The following BOC variants were observed in gnomAD, a reference collection of about 807,000 sequenced individuals.
BOC encodes the protein BOC cell adhesion associated, oncogene regulated, also known as brother of CDO.
BOC carries 76 observed loss-of-function variants against 112.0 expected under a neutral mutation model. The observed-to-expected ratio is 0.68, with a 90% CI of 0.56 to 0.82. The LOEUF is 0.82. Ranked by LOEUF, BOC falls within the 40% of genes least tolerant of loss-of-function variation. BOC has a pLI of 0.00. For missense variants in BOC, 1,309 were observed against 1,511.7 expected, an observed-to-expected ratio of 0.87 and a Z score of 2.22; for synonymous variants, 580 against 599.8, an observed-to-expected ratio of 0.97 and a Z score of 0.48.
Position 113,270,822 on chromosome 3 carries a change from C to T in BOC, c.545C>T (p.Ser182Leu). ...ACAGGTAACTACCTGATCATGCCCT[C>T]AGGGAACCTCCAGATTGTGAATGCC... ...ASRGNYLIMP[S>L]GNLQIVNASQ... Residue 182 changes from serine to leucine, a missense_variant, in exon 6 of 20, where the codon TCA becomes TTA. Transcript: ENST00000682979. 6.2e-7 allele frequency: 1 copy of T among 1,613,316 alleles called. No individual in the cohort carries two copies.
intron 1 of BOC, among the ~76,000 whole-genome samples, chr3:113,213,762 C>T (rs529550085): frequency 1.3e-5 from 2 of 152,074 alleles, no homozygotes; most frequent in South Asian, 2.1e-4. Flanking sequence ...GGACAGAGGC[C>T]GGGCAGAAAC....
intron 2 of BOC, among the ~76,000 whole-genome samples, chr3:113,238,205 C>T (rs1242317540): frequency 6.6e-6 from 1 of 152,140 alleles, no homozygotes; most frequent in Non-Finnish European, 1.5e-5. Context: ...GTAGAAGGAA[C>T]AGAGAGTATG....
chr3:113,284,868 C>G lies in BOC; in HGVS notation c.2966+10C>G, dbSNP rs1484846785. On this transcript the variant is annotated intron_variant, in intron 18 of 19. Coordinates refer to ENST00000682979, the MANE Select transcript of BOC (RefSeq NM_001378074.1). Reference sequence around the variant, plus strand: ...GTCACCAGATCACGAGGTAACCAGGCCTCTCCCCTTTCACTCCCAAGCCCC... The same window carrying G: ...GTCACCAGATCACGAGGTAACCAGGGCTCTCCCCTTTCACTCCCAAGCCCC... 1 of 1,613,138 alleles carries G rather than the reference C, an allele frequency of 6.2e-7. No homozygotes were observed. The highest frequency in any genetic ancestry group is 2.2e-5 in the East Asian group (1 of 44,886).
intron 2 of BOC, among the ~76,000 whole-genome samples, chr3:113,220,139 G>T (rs1172136867): frequency 1.3e-5 from 2 of 152,138 alleles, no homozygotes; most frequent in Non-Finnish European, 2.9e-5. Context: ...TGACAGACAG[G>T]TAACTGACAG....
intron 1 of BOC, among the ~76,000 whole-genome samples, chr3:113,212,871 A>C (rs140188253): frequency 2.3e-3 from 356 of 152,324 alleles, no homozygotes; most frequent in African/African-American, 8.0e-3. Context: ...CAGGGAACCC[A>C]GGAAGAATTT....
intron 5 of BOC, 107 bp downstream of exon 5, chr3:113,268,552 A>G: frequency 2.9e-6 from 3 of 1,049,820 alleles, no homozygotes; most frequent in Non-Finnish European, 4.1e-6. Flanking sequence ...CTGTCTCCCA[A>G]ACCCCCCTCA....
intron 3 of BOC, 145 bp downstream of exon 3, chr3:113,250,044 G>T: frequency 2.9e-6 from 2 of 696,184 alleles, no homozygotes; most frequent in South Asian, 3.3e-5. Context: ...AAGAACACAA[G>T]ATGAGACATG....
intron 2 of BOC, among the ~76,000 whole-genome samples, chr3:113,237,038 A>G (rs1317193039): frequency 1.3e-5 from 2 of 152,360 alleles, no homozygotes; most frequent in South Asian, 4.1e-4. Flanking sequence ...GCCAAGGCTT[A>G]TGGTTCTTCA....
chr3:113,238,766 G>C (rs1943902276), intron 2 of BOC, among the ~76,000 whole-genome samples: 1 of 152,170 alleles, frequency 6.6e-6, no homozygotes, highest in South Asian at 2.1e-4. Context: ...CTATGAAATG[G>C]GTTGACCATA....
chr3:113,223,850 C>T (rs554978503), intron 2 of BOC, among the ~76,000 whole-genome samples: 4 of 152,236 alleles, frequency 2.6e-5, no homozygotes, highest in East Asian at 1.9e-4. Flanking sequence ...TGAGACCCCT[C>T]GCCCGCAACC....
chr3:113,212,727 T>G (rs529663052), intron 1 of BOC: 1 of 152,402 alleles, frequency 6.6e-6, no homozygotes, highest in Non-Finnish European at 1.5e-5. Context: ...AGTTCGTGTG[T>G]GCGTGTACGT....
chr3:113,255,108 A>T (rs73235147), intron 4 of BOC, among the ~76,000 whole-genome samples: 30,118 of 150,162 alleles, frequency 0.2, 3,794 homozygotes, highest in East Asian at 0.46. Flanking sequence ...CCTAAACTTT[A>T]AAAAAAAAAG....
rs561840442 is a variant in BOC, at chr3:113,220,871, A to G, written c.-82+4597A>G. 5.3e-5 allele frequency among the ~76,000 whole-genome samples: 8 copies of G among 152,308 alleles called. No homozygotes were observed. In the South Asian group the frequency reaches 6.2e-4, roughly 12 times the overall value. On this transcript the variant is annotated intron_variant, in intron 2 of 19. Transcript: ENST00000682979. ...ACATTCTTTTTTGAGAGAGGAAGGA[A>G]CAGAAGGCATCTGTGAAGTTTCCGG...
chr3:113,217,074 T>C (rs781585449), intron 2 of BOC, among the ~76,000 whole-genome samples: 3 of 152,226 alleles, frequency 2.0e-5, no homozygotes, highest in African/African-American at 7.2e-5. Context: ...TCAACAATGC[T>C]TGCTGTGTGC....
At chr3:113,229,134 C>G (rs906345169) in intron 2 of BOC, among the ~76,000 whole-genome samples, 1 of 152,158 alleles carries the variant, frequency 6.6e-6, no homozygotes, top group Non-Finnish European at 1.5e-5. Flanking sequence ...GTCTCCTCCC[C>G]CAGTAGGGAC....
chr3:113,233,185 G>GTGTGTGTGTC (rs1559816983), intron 2 of BOC, among the ~76,000 whole-genome samples: 1 of 151,522 alleles, frequency 6.6e-6, no homozygotes, highest in East Asian at 1.9e-4. Flanking sequence ...GTGTGTGTGT[G>GTGTGTGTGTC]TGTGTGTGTG....
rs112586467 is a variant in BOC at position 113,260,102 on chromosome 3, G to A, written c.377-8197G>A. ...GCCCTTTCTTGCCTCTCTATCTGGA[G>A]GGTAGGAACTGTTATTATGCATCTG... On this transcript the variant is annotated intron_variant, in intron 4 of 19. Coordinates refer to ENST00000682979, the MANE Select transcript of BOC (RefSeq NM_001378074.1). Among the ~76,000 whole-genome samples, 1,167 of 152,286 alleles carry A rather than the reference G, an allele frequency of 7.7e-3. 17 individuals are homozygous for A. The highest frequency in any genetic ancestry group is 0.027 in the African/African-American group (1,123 of 41,554).
chr3:113,283,574 C>T lies in BOC; in HGVS notation c.2598C>T (p.Ile866=), dbSNP rs781189230. ...YLIVGVVLGS[I]VLIIVTFIPF... is the part of the protein sequence containing the mutation. ...TTGTCGGGGTCGTCCTGGGCTCCATCGTTCTCATCATCGTCACCTTCATCC... is the reference window on the plus strand; with the variant it reads ...TTGTCGGGGTCGTCCTGGGCTCCATTGTTCTCATCATCGTCACCTTCATCC... The change falls in exon 16 of 20, where the codon ATC becomes ATT. Residue 866 remains isoleucine (I), a synonymous_variant. Coordinates refer to ENST00000682979, the MANE Select transcript of BOC (RefSeq NM_001378074.1). 26 of 1,613,770 alleles carry T rather than the reference C, an allele frequency of 1.6e-5. No homozygotes were observed. The highest frequency in any genetic ancestry group is 4.5e-5 in the East Asian group (2 of 44,852).
rs749770235 is a variant in BOC, at chr3:113,273,292, C to T, written c.1185C>T (p.Asn395=). The part of the protein sequence containing the change: ...DEGVYQCMAE[N]EVGSAHAVVQ... Reference sequence around the variant, plus strand: ...GCGTCTACCAGTGCATGGCCGAGAACGAGGTTGGGAGCGCCCATGCCGTAG... The same window carrying T: ...GCGTCTACCAGTGCATGGCCGAGAATGAGGTTGGGAGCGCCCATGCCGTAG... Residue 395 remains asparagine, a synonymous_variant, in exon 8 of 20, where the codon AAC becomes AAT. Transcript: ENST00000682979. 1.1e-5 allele frequency: 18 copies of T among 1,605,044 alleles called. No homozygotes were observed. Among genetic ancestry groups the T allele is most frequent in the South Asian group, 7.7e-5 (7 of 90,894 alleles).
Sources: gnomAD v4.1 joint callset for allele counts (sites outside exome capture counted in the v4.1 genomes callset) on GRCh38, gnomAD v4.1.1 for gene constraint, MANE v1.5 for transcripts, NCBI Gene and HGNC (gene_info 2026-07-23, HGNC 2026-07-21) for gene names.